The following AAMDC variants were observed in gnomAD, a reference collection of about 807,000 sequenced individuals.
AAMDC encodes the protein adipogenesis associated Mth938 domain containing, also known as mth938 domain-containing protein.
Under a neutral mutation model 15.5 loss-of-function variants are expected in AAMDC, and 16 were observed. The observed-to-expected ratio is 1.03, with a 90% CI of 0.70 to 1.57. The LOEUF is 1.57. Among genes scored for constraint, AAMDC ranks in the 40% most tolerant of loss-of-function variants. The probability of loss-of-function intolerance (pLI) is 0.00; values close to 1 mark genes in which losing one functional copy is unlikely to be tolerated. For synonymous variants in AAMDC, 51 were observed against 51.6 expected (o/e 0.99, Z 0.05); for missense variants, 141 against 144.9 (o/e 0.97, Z 0.14).
At chr11:77,903,602 A>G, downstream of AAMDC, 1 of 1,613,788 alleles carries the variant, frequency 6.2e-7, no homozygotes, top group East Asian at 2.2e-5. Flanking sequence ...GCTACATTCC[A>G]CAACTTTTCC....
chr11:77,859,497 T>C (rs1950784455), intron 2 of AAMDC, among the ~76,000 whole-genome samples: 1 of 152,244 alleles, frequency 6.6e-6, no homozygotes, highest in African/African-American at 2.4e-5. Context: ...TAGGTAAGCA[T>C]ACTTAGAGTC....
chr11:77,826,911 C>G (rs577067901), intron 1 of AAMDC, among the ~76,000 whole-genome samples: 1 of 152,108 alleles, frequency 6.6e-6, no homozygotes, highest in African/African-American at 2.4e-5. Flanking sequence ...TCGAGACCAG[C>G]CTGGCCAACA....
intron 1 of AAMDC, 117 bp from the exon 2 acceptor site, chr11:77,842,362 C>A (rs887113756): frequency 1.0e-6 from 1 of 984,072 alleles, no homozygotes; most frequent in Non-Finnish European, 1.5e-6. Context: ...GTAACAACCA[C>A]GTAAATGAAA....
chr11:77,853,719 T>C (rs946714674), intron 2 of AAMDC, among the ~76,000 whole-genome samples: 21 of 152,032 alleles, frequency 1.4e-4, no homozygotes, highest in Admixed American at 1.2e-3. Flanking sequence ...AGTGGATGGA[T>C]TGCTTCAGGT....
At chr11:77,901,537 G>C (rs1263293244), downstream of AAMDC, 2 of 1,606,334 alleles carry the variant, frequency 1.2e-6, no homozygotes, top group East Asian at 2.2e-5. Flanking sequence ...CCATTTTGTA[G>C]GTCTCTTCCA....
At chr11:77,822,954 G>A (rs1178946362) in intron 1 of AAMDC, among the ~76,000 whole-genome samples, 3 of 152,140 alleles carry the variant, frequency 2.0e-5, no homozygotes, top group Non-Finnish European at 4.4e-5. Flanking sequence ...TGTGGCTCAC[G>A]CCTGTAATCC....
At chr11:77,890,785 T>A (rs577158034) in intron 5 of AAMDC, among the ~76,000 whole-genome samples, 1 of 152,336 alleles carries the variant, frequency 6.6e-6, no homozygotes, top group South Asian at 2.1e-4. Context: ...AATGAAGTAG[T>A]AGTACTCTTT....
chr11:77,832,454 G>A (rs1406529524), intron 1 of AAMDC, among the ~76,000 whole-genome samples: 1 of 151,558 alleles, frequency 6.6e-6, no homozygotes, highest in African/African-American at 2.4e-5. Flanking sequence ...AGCCTCCCCA[G>A]TAGCTGGGAT....
chr11:77,883,473 AGACTC>A (rs1311495552), intron 5 of AAMDC, among the ~76,000 whole-genome samples: 1 of 152,192 alleles, frequency 6.6e-6, no homozygotes, highest in Admixed American at 6.5e-5. Context: ...ATAAGGAAAA[AGACTC>A]AGAAAGGGAG....
chr11:77,832,429 C>T (rs528429268), intron 1 of AAMDC, among the ~76,000 whole-genome samples: 3 of 151,680 alleles, frequency 2.0e-5, no homozygotes, highest in East Asian at 2.0e-4. Context: ...CGGGTTCAAG[C>T]GATTCTTCTG....
intron 2 of AAMDC, chr11:77,850,515 T>A (rs1950326094): frequency 6.6e-6 from 1 of 152,180 alleles, no homozygotes; most frequent in African/African-American, 2.4e-5. Flanking sequence ...TGTGTCCTTT[T>A]TGTTAGACTG....
intron 5 of AAMDC, chr11:77,884,064 T>A: frequency 1.8e-6 from 2 of 1,090,766 alleles, no homozygotes. Context: ...GACACCAACT[T>A]TACTAAGATT....
Position 77,829,267 on chromosome 11 carries a change from A to G in AAMDC, c.-19+8026A>G, listed in dbSNP as rs576780354. Among the ~76,000 whole-genome samples, 3 of 152,324 alleles carry G rather than the reference A, an allele frequency of 2.0e-5. No individual in the cohort carries two copies. The East Asian group carries it at 5.8e-4, about 29-fold the overall frequency. ...AGAGATGGCAGACATCTCCAACCCAAGGAGAAAGCCCTCACGAGATACCAG... is the reference window on the plus strand; with the variant it reads ...AGAGATGGCAGACATCTCCAACCCAGGGAGAAAGCCCTCACGAGATACCAG... On this transcript the variant is annotated intron_variant, in intron 1 of 3. Transcript: ENST00000393427.
At chr11:77,897,676 T>TA (rs1443636995) in intron 5 of AAMDC, among the ~76,000 whole-genome samples, 1 of 151,300 alleles carries the variant, frequency 6.6e-6, no homozygotes, top group Non-Finnish European at 1.5e-5. Flanking sequence ...AATTTTTTTT[T>TA]TTTTATTTTT....
At chr11:77,901,535 T>C (rs1952777475), downstream of AAMDC, 6 of 1,608,490 alleles carry the variant, frequency 3.7e-6, no homozygotes, top group Non-Finnish European at 3.4e-6. Context: ...TTCCATTTTG[T>C]AGGTCTCTTC....
chr11:77,831,694 C>CTT lies in AAMDC; in HGVS notation c.-19+10469_-19+10470dup, dbSNP rs532912432. Among the ~76,000 whole-genome samples, 57 of 135,980 alleles carry CTT rather than the reference C, an allele frequency of 4.2e-4. No homozygotes were observed. The East Asian group carries it at 5.6e-3, about 13-fold the overall frequency. 89.2% of individuals were successfully genotyped at this position (135,980 alleles called of 152,430 possible). A position where few individuals can be genotyped will look rare whatever the true frequency, so the allele number is the denominator to read the frequency against. ...GCCACCTTTCACATTACTTAGGTAT[C>CTT]TTTTTTTTTTTTTTTTTCTGAGACA... On this transcript the variant is annotated intron_variant, in intron 1 of 3. Coordinates refer to ENST00000393427, the MANE Select transcript of AAMDC (RefSeq NM_024684.4).
At chr11:77,865,109 T>G (rs922854838) in intron 2 of AAMDC, among the ~76,000 whole-genome samples, 1 of 152,246 alleles carries the variant, frequency 6.6e-6, no homozygotes, top group Admixed American at 6.5e-5. Context: ...TTTTGCAAAT[T>G]AGACACAGTG....
chr11:77,859,995 G>T (rs933155116), intron 2 of AAMDC, among the ~76,000 whole-genome samples: 9 of 152,226 alleles, frequency 5.9e-5, no homozygotes, highest in Admixed American at 2.0e-4. Context: ...TATTAAGACT[G>T]CTATTGCTGC....
At chr11:77,860,625 C>G (rs1354537257) in intron 2 of AAMDC, among the ~76,000 whole-genome samples, 1 of 152,172 alleles carries the variant, frequency 6.6e-6, no homozygotes, top group Non-Finnish European at 1.5e-5. Context: ...AGAACTGGCT[C>G]AAGTCTTGGG....
Sources: allele counts gnomAD v4.1 joint callset (sites outside exome capture counted in the v4.1 genomes callset), GRCh38; gene constraint gnomAD v4.1.1; transcripts MANE v1.5; gene names NCBI Gene and HGNC (gene_info 2026-07-23, HGNC 2026-07-21).